OPRM1: variants seen among roughly 807,000 people sequenced by gnomAD.
OPRM1 encodes opioid receptor mu 1.
Under a neutral mutation model 31.8 loss-of-function variants are expected in OPRM1, and 27 were observed. That is an observed-to-expected ratio of 0.85 (90% CI 0.63 to 1.17). The LOEUF is 1.17. Among genes scored for constraint, OPRM1 ranks in the 50% most tolerant of loss-of-function variants. OPRM1 has a pLI of 0.00. For synonymous variants in OPRM1, 196 were observed against 189.9 expected, an observed-to-expected ratio of 1.03 and a Z score of -0.26; for missense variants, 536 against 511.1, an observed-to-expected ratio of 1.05 and a Z score of -0.47.
chr6:154,051,933 C>T (rs1434312177), intron 1 of OPRM1, among the ~76,000 whole-genome samples: 2 of 152,102 alleles, frequency 1.3e-5, no homozygotes, highest in African/African-American at 2.4e-5. Flanking sequence ...AACCCAAATG[C>T]CCATCAATGA....
chr6:154,160,541 A>AGAT (rs1491523433), intron 3 of OPRM1, among the ~76,000 whole-genome samples: 2 of 152,220 alleles, frequency 1.3e-5, no homozygotes, highest in Admixed American at 1.3e-4. Flanking sequence ...ATAAATACAC[A>AGAT]GATTATCTTT....
Position 154,126,233 on chromosome 6 carries a change from T to G in OPRM1, c.*7512T>G, listed in dbSNP as rs1797580592. ...GAAATAAAGAAGACAACTCTTTTCC[T>G]AAGAGTCTGGGTAAAATTGAACATA... On this transcript the variant is annotated 3_prime_UTR_variant, in exon 4 of 4. Transcript: ENST00000330432. Among the ~76,000 whole-genome samples the G allele has an allele frequency of 6.6e-6, 1 of 152,098 alleles. No homozygotes were observed. Among genetic ancestry groups the G allele is most frequent in the East Asian group, 1.9e-4 (1 of 5,200 alleles).
At chr6:154,208,365 G>C (rs1777676314) in intron 3 of OPRM1, among the ~76,000 whole-genome samples, 1 of 152,104 alleles carries the variant, frequency 6.6e-6, no homozygotes, top group Admixed American at 6.5e-5. Flanking sequence ...ACCTTTCAAG[G>C]TTTCGCTCAG....
intron 3 of OPRM1, chr6:154,093,586 G>A (rs1792808361): frequency 2.0e-6 from 3 of 1,482,688 alleles, no homozygotes; most frequent in South Asian, 1.4e-5. Flanking sequence ...GTAACTAAAA[G>A]GTTTGCTTTA....
intron 3 of OPRM1, among the ~76,000 whole-genome samples, chr6:154,243,737 T>G (rs1484633720): frequency 6.6e-6 from 1 of 152,176 alleles, no homozygotes; most frequent in East Asian, 1.9e-4. Context: ...ATGCTGTAAG[T>G]CATGGGTTTA....
intron 1 of OPRM1, among the ~76,000 whole-genome samples, chr6:154,019,743 TTTTC>T (rs1307756785): frequency 7.1e-5 from 10 of 141,396 alleles, no homozygotes; most frequent in African/African-American, 2.9e-4. Context: ...TTTTCTTTTC[TTTTC>T]TTTTTTTTTT....
rs201013311 is a variant in OPRM1 at position 154,039,542 on chromosome 6, A to G, written c.-3A>G. On this transcript the variant is annotated 5_prime_UTR_variant, in exon 1 of 4. Transcript: ENST00000330432. ...CAGCGGTGCCCGCCCGGCCGTCAGTACCATGGACAGCAGCGCTGCCCCCAC... is the reference window on the plus strand; with the variant it reads ...CAGCGGTGCCCGCCCGGCCGTCAGTGCCATGGACAGCAGCGCTGCCCCCAC... 1.2e-6 allele frequency: 2 copies of G among 1,608,936 alleles called. No homozygotes were observed. The highest frequency in any genetic ancestry group is 1.7e-6 in the Non-Finnish European group (2 of 1,177,854).
At chr6:154,237,378 G>A (rs1186604170) in intron 3 of OPRM1, among the ~76,000 whole-genome samples, 1 of 152,044 alleles carries the variant, frequency 6.6e-6, no homozygotes, top group Non-Finnish European at 1.5e-5. Context: ...CTTTACACGG[G>A]GTCGGTAGGT....
At chr6:154,159,981 G>A (rs1798870488) in intron 3 of OPRM1, 1 of 1,612,836 alleles carries the variant, frequency 6.2e-7, no homozygotes, top group Admixed American at 1.7e-5. Flanking sequence ...TGTATTTCCT[G>A]GCTGTCAGCT....
intron 1 of OPRM1, among the ~76,000 whole-genome samples, chr6:154,014,842 G>A (rs748782753): frequency 6.6e-6 from 1 of 152,112 alleles, no homozygotes; most frequent in East Asian, 1.9e-4. Flanking sequence ...TAAGGCATAG[G>A]GTATAAAAAG....
intron 3 of OPRM1, among the ~76,000 whole-genome samples, chr6:154,096,889 A>C (rs1239992909): frequency 1.3e-5 from 2 of 152,162 alleles, no homozygotes; most frequent in Non-Finnish European, 2.9e-5. Context: ...TGCTCTAATA[A>C]ATTATAGTTT....
In OPRM1 at chr6:154,118,898, A is replaced by G; in HGVS notation, c.*177A>G. The G allele has an allele frequency of 7.0e-7, 1 of 1,420,584 alleles. No individual in the cohort carries two copies. The highest frequency in any genetic ancestry group is 9.2e-7 in the Non-Finnish European group (1 of 1,091,894). 88.0% of individuals were successfully genotyped at this position (1,420,584 alleles called of 1,614,324 possible). A position where few individuals can be genotyped will look rare whatever the true frequency, so the allele number is the denominator to read the frequency against. On this transcript the variant is annotated 3_prime_UTR_variant, in exon 4 of 4. Transcript: ENST00000330432. The stretch of plus-strand genomic sequence containing the variant: ...TCTGCACATTAGAGGGACAGCCAAA[A>G]GTAAGTGGAGCATTTGGAAGGAAAG...
At chr6:154,049,167 T>C (rs914277331) in intron 1 of OPRM1, among the ~76,000 whole-genome samples, 14 of 152,212 alleles carry the variant, frequency 9.2e-5, no homozygotes, top group Non-Finnish European at 1.6e-4. Flanking sequence ...ACAAAGCTTC[T>C]GTAACACAAG....
intron 3 of OPRM1, among the ~76,000 whole-genome samples, chr6:154,193,962 CTT>C (rs34447420): frequency 6.6e-6 from 1 of 151,892 alleles, no homozygotes; most frequent in African/African-American, 2.4e-5. Flanking sequence ...ACTTCAAAGA[CTT>C]TTTTTTGTCA....
At chr6:154,022,835 C>G (rs187649247) in intron 1 of OPRM1, among the ~76,000 whole-genome samples, 1 of 151,806 alleles carries the variant, frequency 6.6e-6, no homozygotes. Context: ...GTTCTTGACA[C>G]CTTTGTAAAA....
chr6:154,026,616 CTTCT>C (rs1315976720), intron 1 of OPRM1, among the ~76,000 whole-genome samples: 4 of 152,012 alleles, frequency 2.6e-5, no homozygotes, highest in African/African-American at 9.7e-5. Context: ...TGTAAGTGTG[CTTCT>C]TTGTTTCATT....
intron 3 of OPRM1, among the ~76,000 whole-genome samples, chr6:154,171,596 A>C (rs1159519906): frequency 6.6e-6 from 1 of 152,214 alleles, no homozygotes; most frequent in Non-Finnish European, 1.5e-5. Context: ...TGAACTGTAC[A>C]CTTTCATGTG....
intron 1 of OPRM1, among the ~76,000 whole-genome samples, chr6:154,061,543 A>G (rs1282702117): frequency 6.6e-6 from 1 of 152,152 alleles, no homozygotes; most frequent in Non-Finnish European, 1.5e-5. Context: ...GCTGGAGGCT[A>G]TTCTTCTGAG....
At chr6:154,225,162 A>G (rs1779155276) in intron 3 of OPRM1, among the ~76,000 whole-genome samples, 1 of 152,200 alleles carries the variant, frequency 6.6e-6, no homozygotes, top group Non-Finnish European at 1.5e-5. Flanking sequence ...CTGAAAATCC[A>G]ACACCCAATG....
Sources: allele counts gnomAD v4.1 joint callset (sites outside exome capture counted in the v4.1 genomes callset), GRCh38; gene constraint gnomAD v4.1.1; transcripts MANE v1.5; gene names NCBI Gene and HGNC (gene_info 2026-07-23, HGNC 2026-07-21).